Variants in SYNDIG1 observed in about 807,000 individuals in gnomAD.
SYNDIG1 encodes synapse differentiation-inducing gene protein 1.
Under a neutral mutation model 19.4 loss-of-function variants are expected in SYNDIG1, and 9 were observed. The ratio of observed to expected loss-of-function variants is 0.46; its 90% CI spans 0.28 to 0.81. The LOEUF is 0.81. Among genes scored for constraint, SYNDIG1 ranks in the 30% least tolerant of loss-of-function variants. The pLI is 0.12. For synonymous variants in SYNDIG1, 141 were observed against 145.9 expected, an observed-to-expected ratio of 0.97 and a Z score of 0.24; for missense variants, 311 against 343.3, an observed-to-expected ratio of 0.91 and a Z score of 0.74.
chr20:24,508,915 T>C (rs2056672873), intron 1 of SYNDIG1, among the ~76,000 whole-genome samples: 1 of 152,078 alleles, frequency 6.6e-6, no homozygotes. Context: ...CAACAAGAAA[T>C]AAAAACCCAA....
intron 3 of SYNDIG1, among the ~76,000 whole-genome samples, chr20:24,647,513 C>T (rs758536633): frequency 2.6e-5 from 4 of 151,760 alleles, no homozygotes; most frequent in East Asian, 1.9e-4. Flanking sequence ...TCCCAAAGTG[C>T]GGCACAGGGG....
At chr20:24,576,259 G>T (rs578262272) in intron 2 of SYNDIG1, among the ~76,000 whole-genome samples, 2 of 152,186 alleles carry the variant, frequency 1.3e-5, no homozygotes, top group Non-Finnish European at 2.9e-5. Flanking sequence ...TGGTGTTTTT[G>T]TTGGTTGAAT....
At position 24,512,213 on chromosome 20, in the gene SYNDIG1, C is replaced by T. The variant is rs560675610; in HGVS notation, c.-78-30807C>T. ...TCCAGTCAACAGCTCCCAGCGTGAG[C>T]GATGAAGAAGATGGGTGATTTCTGC... is the stretch of plus-strand genomic sequence containing the variant. On this transcript the variant is annotated intron_variant, in intron 1 of 3. Transcript: ENST00000376862. Among the ~76,000 whole-genome samples the T allele has an allele frequency of 9.6e-5, 14 of 145,338 alleles. No individual in the cohort carries two copies. In the South Asian group the frequency reaches 2.4e-3, roughly 25 times the overall value.
intron 1 of SYNDIG1, among the ~76,000 whole-genome samples, chr20:24,535,733 C>A (rs1437764677): frequency 1.3e-5 from 2 of 152,154 alleles, no homozygotes; most frequent in African/African-American, 4.8e-5. Flanking sequence ...AGTTGCTGGG[C>A]AGATGATCTC....
intron 3 of SYNDIG1, among the ~76,000 whole-genome samples, chr20:24,640,785 C>T (rs1426766942): frequency 6.6e-6 from 1 of 152,088 alleles, no homozygotes; most frequent in Non-Finnish European, 1.5e-5. Context: ...TGGGATGGAT[C>T]CACACATCTC....
At chr20:24,661,802 G>A (rs190765396) in intron 3 of SYNDIG1, among the ~76,000 whole-genome samples, 8 of 152,154 alleles carry the variant, frequency 5.3e-5, no homozygotes, top group African/African-American at 1.9e-4. Flanking sequence ...AAGGAAGCAG[G>A]GCCTAGAACC....
intron 3 of SYNDIG1, among the ~76,000 whole-genome samples, chr20:24,662,127 G>T (rs1049708035): frequency 5.9e-5 from 9 of 151,690 alleles, no homozygotes; most frequent in Non-Finnish European, 1.0e-4. Flanking sequence ...ACCCAGCGGT[G>T]GTACGAGGTG....
intron 3 of SYNDIG1, among the ~76,000 whole-genome samples, chr20:24,642,412 C>T (rs990076805): frequency 3.9e-5 from 6 of 152,152 alleles, no homozygotes; most frequent in African/African-American, 1.4e-4. Flanking sequence ...CCTTCCCATG[C>T]TGTACTCTGT....
At chr20:24,644,845 A>G (rs2059409062) in intron 3 of SYNDIG1, among the ~76,000 whole-genome samples, 1 of 152,204 alleles carries the variant, frequency 6.6e-6, no homozygotes. Flanking sequence ...ACAATAGATC[A>G]CCAGAACACT....
intron 3 of SYNDIG1, among the ~76,000 whole-genome samples, chr20:24,641,141 T>C (rs761612487): frequency 2.0e-5 from 3 of 152,244 alleles, no homozygotes; most frequent in Non-Finnish European, 4.4e-5. Flanking sequence ...TGTTACTCAC[T>C]AGCTATGTGA....
chr20:24,552,219 GAAACACCAGGGGTT>G (rs1420057948), intron 2 of SYNDIG1, among the ~76,000 whole-genome samples: 1 of 152,128 alleles, frequency 6.6e-6, no homozygotes, highest in Non-Finnish European at 1.5e-5. Context: ...TTCTGTCACT[GAAACACCAGGGGTT>G]CCATCTAGAA....
intron 3 of SYNDIG1, among the ~76,000 whole-genome samples, chr20:24,610,081 C>A (rs998747574): frequency 2.0e-5 from 3 of 152,122 alleles, no homozygotes; most frequent in Non-Finnish European, 4.4e-5. Context: ...ACACGAAGAG[C>A]AGGTGGGCAA....
intron 1 of SYNDIG1, among the ~76,000 whole-genome samples, chr20:24,505,415 G>A (rs954940972): frequency 2.0e-5 from 3 of 152,128 alleles, no homozygotes; most frequent in Non-Finnish European, 4.4e-5. Context: ...GGGGAAGAGG[G>A]GGGCTCAGAG....
At chr20:24,519,838 T>C (rs907520246) in intron 1 of SYNDIG1, among the ~76,000 whole-genome samples, 1 of 150,612 alleles carries the variant, frequency 6.6e-6, no homozygotes, top group Non-Finnish European at 1.5e-5. Context: ...CACGCGCACA[T>C]GCACACACAC....
chr20:24,512,108 AATATATATATATATATATATATAT>A (rs56002733), intron 1 of SYNDIG1, among the ~76,000 whole-genome samples: 34 of 76,550 alleles, frequency 4.4e-4, no homozygotes, highest in African/African-American at 5.2e-4. Context: ...TGGTCTTTAA[AATATATATATATATATATATATAT>A]ATATATATAT....
intron 3 of SYNDIG1, among the ~76,000 whole-genome samples, chr20:24,610,854 C>T (rs906860984): frequency 4.6e-5 from 7 of 152,152 alleles, no homozygotes; most frequent in Admixed American, 2.6e-4. Flanking sequence ...AGGAGGAAGC[C>T]AGGCCACTCT....
In SYNDIG1 at chr20:24,622,487, G is replaced by A. The variant is rs551374389; in HGVS notation, c.618+37494G>A. 3.3e-5 allele frequency among the ~76,000 whole-genome samples: 5 copies of A among 152,316 alleles called. No homozygotes were observed. The South Asian group carries it at 1.0e-3, about 32-fold the overall frequency. ...ACACAGCAGGAGGTGAGTGGCTGGTGAGCAAGCATTACCACCTGAGCTCTG... is the reference window on the plus strand; with the variant it reads ...ACACAGCAGGAGGTGAGTGGCTGGTAAGCAAGCATTACCACCTGAGCTCTG... On this transcript the variant is annotated intron_variant, in intron 3 of 3. Coordinates refer to ENST00000376862, the MANE Select transcript of SYNDIG1 (RefSeq NM_024893.3).
chr20:24,542,522 C>T lies in SYNDIG1; in HGVS notation c.-78-498C>T, dbSNP rs1426613448. ...CCAAGCTGTGCCTCTCTCAAGATGCCTCAGTAGCAGATTCGTGTTTGGGAC... is the reference window on the plus strand; with the variant it reads ...CCAAGCTGTGCCTCTCTCAAGATGCTTCAGTAGCAGATTCGTGTTTGGGAC... On this transcript the variant is annotated intron_variant, in intron 1 of 3. Transcript: ENST00000376862. Among the ~76,000 whole-genome samples, 4 of 152,198 alleles carry T rather than the reference C, an allele frequency of 2.6e-5. No homozygotes were observed. The South Asian group carries it at 8.3e-4, about 31-fold the overall frequency.
intron 3 of SYNDIG1, among the ~76,000 whole-genome samples, chr20:24,618,161 A>G (rs1229129655): frequency 6.0e-5 from 3 of 50,086 alleles, no homozygotes; most frequent in East Asian, 1.4e-3. Flanking sequence ...GGGAGAGCCC[A>G]GGGAAGGGGG....
Sources: gnomAD v4.1 joint callset for allele counts (sites outside exome capture counted in the v4.1 genomes callset) on GRCh38, gnomAD v4.1.1 for gene constraint, MANE v1.5 for transcripts, NCBI Gene and HGNC (gene_info 2026-07-23, HGNC 2026-07-21) for gene names.